The following ZSWIM4 variants were observed in gnomAD, a reference collection of about 807,000 sequenced individuals.
ZSWIM4 encodes zinc finger SWIM-type containing 4.
In ZSWIM4, 62 loss-of-function variants were observed where a neutral mutation model predicts 102.5. That is an observed-to-expected ratio of 0.60 (90% CI 0.49 to 0.75). ZSWIM4 has a LOEUF of 0.75. Among genes scored for constraint, ZSWIM4 ranks in the 30% least tolerant of loss-of-function variants. The pLI is 0.00. For synonymous variants in ZSWIM4, 652 were observed against 674.5 expected (o/e 0.97, Z 0.52); for missense variants, 1,280 against 1,529.6 (o/e 0.84, Z 2.72).
Position 13,813,145 on chromosome 19 carries a change from C to T in ZSWIM4, c.1161C>T (p.Pro387=), listed in dbSNP as rs746146208. The T allele has an allele frequency of 8.7e-6, 14 of 1,612,868 alleles. No homozygotes were observed. In the East Asian group the frequency reaches 2.7e-4, roughly 31 times the overall value. ...CCTTCGACGGCCCCAGCCTGCAGCC[C>T]ACCATGGCCCCCGCCCCAGGTAGGA... ...NYSFDGPSLQ[P]TMAPAPGSEE... The change falls in exon 6 of 14, where the codon CCC becomes CCT. Residue 387 remains proline, a synonymous_variant. Transcript: ENST00000590508.
Position 13,826,248 on chromosome 19 carries a change from C to T in ZSWIM4, c.2379+535C>T, listed in dbSNP as rs547694932. ...TGCAAGCCAGCAGATGGATCGCAAG[C>T]GGAGCCTGGGGGTGGGGCCTGGGAG... On this transcript the variant is annotated intron_variant, in intron 12 of 13. Coordinates refer to ENST00000590508, the MANE Select transcript of ZSWIM4 (RefSeq NM_001367834.3). Among the ~76,000 whole-genome samples the T allele has an allele frequency of 5.3e-5, 8 of 151,880 alleles. No homozygotes were observed. The East Asian group carries it at 1.6e-3, about 30-fold the overall frequency.
intron 10 of ZSWIM4, 95 bp downstream of exon 10, chr19:13,819,587 C>A: frequency 6.9e-7 from 1 of 1,440,630 alleles, no homozygotes; most frequent in Admixed American, 2.3e-5. Flanking sequence ...CCAGCCTGAA[C>A]TCACAGCCTA....
In ZSWIM4 at chr19:13,823,346, G is replaced by A. The variant is rs1975517748; in HGVS notation, c.2061G>A (p.Arg687=). 3.7e-6 allele frequency: 6 copies of A among 1,612,952 alleles called. No individual in the cohort carries two copies. Among genetic ancestry groups the A allele is most frequent in the African/African-American group, 1.3e-5 (1 of 74,876 alleles). The part of the protein sequence containing the change: ...LAYRLALRAM[R]LPILETAFPA... ...ATGGCTCACTTCTCCCCTTACCCAG[G>A]CTGCCCATACTGGAGACAGCATTTC... The change falls in exon 11 of 14, where the codon AGG becomes AGA. Residue 687 remains arginine, a splice_region_variant and synonymous_variant. Transcript: ENST00000590508.
chr19:13,809,152 G>C lies in ZSWIM4; in HGVS notation c.944G>C (p.Arg315Pro). Residue 315 changes from arginine (R) to proline (P), a missense_variant, in exon 5 of 14, where the codon CGC becomes CCC. Arg to Pro is a moderately radical substitution (Grantham distance 103, BLOSUM62 -2). Coordinates refer to ENST00000590508, the MANE Select transcript of ZSWIM4 (RefSeq NM_001367834.3). This position sits in a 1 kb window ranked among gnomAD's most constrained non-coding sequence, Gnocchi z 4.2. ...ACCGAGCAGTTCCTGCAGGACACGC[G>C]CCTGGCCCTGTGGCGGCAGCAGGGC... ...LMTEQFLQDT[R>P]LALWRQQGAG... 1 of 1,613,594 alleles carries C rather than the reference G, an allele frequency of 6.2e-7. No individual in the cohort carries two copies. The highest frequency in any genetic ancestry group is 8.5e-7 in the Non-Finnish European group (1 of 1,179,726).
intron 7 of ZSWIM4, among the ~76,000 whole-genome samples, chr19:13,815,842 G>T (rs1464647187): frequency 1.3e-5 from 2 of 151,674 alleles, no homozygotes; most frequent in African/African-American, 4.8e-5. Flanking sequence ...GGGAGGCTGC[G>T]GCATGAGAAT....
intron 7 of ZSWIM4, chr19:13,815,462 T>G (rs1487571952): frequency 2.6e-5 from 3 of 116,854 alleles, no homozygotes; most frequent in African/African-American, 1.0e-4. Context: ...GGAAATTTTT[T>G]TTTTTTTTTT....
Position 13,830,645 on chromosome 19 carries a change from C to T in ZSWIM4, c.2916C>T (p.His972=), listed in dbSNP as rs1975737609. 1 of 1,601,574 alleles carries T rather than the reference C, an allele frequency of 6.2e-7. No homozygotes were observed. Among genetic ancestry groups the T allele is most frequent in the East Asian group, 2.2e-5 (1 of 44,870 alleles). The change falls in exon 14 of 14, where the codon CAC becomes CAT. Residue 972 remains histidine, a synonymous_variant. Coordinates refer to ENST00000590508, the MANE Select transcript of ZSWIM4 (RefSeq NM_001367834.3). The part of the protein sequence containing the change: ...NDVLWACSLS[H]SLGRHELSAI... ...TGCTTTGGGCCTGCTCTCTCAGCCA[C>T]TCCCTGGGCCGGCACGAGCTCTCTG...
At chr19:13,797,780 G>C (rs761501601) in intron 1 of ZSWIM4, among the ~76,000 whole-genome samples, 8 of 152,052 alleles carry the variant, frequency 5.3e-5, no homozygotes, top group Non-Finnish European at 8.8e-5. Context: ...AGCCTCCTGA[G>C]TAGCTGGGAC....
chr19:13,824,732 C>G (rs867379553), intron 11 of ZSWIM4, among the ~76,000 whole-genome samples: 9 of 128,820 alleles, frequency 7.0e-5, no homozygotes, highest in African/African-American at 2.9e-4. Context: ...AACTCCATCT[C>G]AAAATAATAA....
chr19:13,805,413 G>A (rs1275538559), intron 3 of ZSWIM4, among the ~76,000 whole-genome samples: 2 of 151,736 alleles, frequency 1.3e-5, no homozygotes, highest in Admixed American at 6.6e-5. Context: ...TAGAGGGCAA[G>A]TGGGAGGTCT....
chr19:13,802,193 G>C (rs1277846937), intron 2 of ZSWIM4, among the ~76,000 whole-genome samples: 2 of 150,126 alleles, frequency 1.3e-5, no homozygotes, highest in East Asian at 4.0e-4. Context: ...AGCCAGGATA[G>C]TCTCGATCTC....
intron 12 of ZSWIM4, among the ~76,000 whole-genome samples, chr19:13,828,387 G>C (rs985779997): frequency 2.6e-5 from 4 of 151,710 alleles, no homozygotes; most frequent in African/African-American, 9.7e-5. Context: ...CATTCTGGGT[G>C]ACAGAGCAAG....
At chr19:13,796,937 A>G (rs1974628152) in intron 1 of ZSWIM4, 1 of 152,206 alleles carries the variant, frequency 6.6e-6, no homozygotes. Flanking sequence ...TGATTCATGG[A>G]CTGGAAAATC....
chr19:13,828,572 C>A, intron 12 of ZSWIM4, 73 bp from the exon 13 acceptor site: 1 of 1,373,338 alleles, frequency 7.3e-7, no homozygotes, highest in Non-Finnish European at 1.0e-6. Flanking sequence ...TGGGGTCCTC[C>A]ATCTCCCAAC....
chr19:13,815,099 C>T (rs1975233576), intron 7 of ZSWIM4: 1 of 191,980 alleles, frequency 5.2e-6, no homozygotes, highest in South Asian at 7.8e-5. Flanking sequence ...GAGTTCAAGG[C>T]TGCAGTGAGC....
intron 10 of ZSWIM4, among the ~76,000 whole-genome samples, chr19:13,822,485 T>G (rs1322784618): frequency 1.3e-5 from 2 of 152,242 alleles, no homozygotes; most frequent in African/African-American, 4.8e-5. Flanking sequence ...CACAGCCATG[T>G]CCATTCATCT....
intron 9 of ZSWIM4, 149 bp downstream of exon 9, chr19:13,818,125 G>C: frequency 7.5e-7 from 1 of 1,335,960 alleles, no homozygotes; most frequent in Non-Finnish European, 9.7e-7. Flanking sequence ...TCATACCTTG[G>C]CAGTTTCTAA....
At chr19:13,807,033 TGATAACTAATAGTTATCACCTA>T (rs1270106725) in intron 3 of ZSWIM4, among the ~76,000 whole-genome samples, 3 of 151,908 alleles carry the variant, frequency 2.0e-5, no homozygotes, top group East Asian at 3.9e-4. Context: ...AGTTATTGGG[TGATAACTAATAGTTATCACCTA>T]GATAACTAGG....
chr19:13,810,827 G>A (rs1975062032), intron 5 of ZSWIM4, among the ~76,000 whole-genome samples: 1 of 148,278 alleles, frequency 6.7e-6, no homozygotes, highest in Non-Finnish European at 1.5e-5. Flanking sequence ...AACCAGGATG[G>A]TCTCGATCCC....
Sources: gnomAD v4.1 joint callset for allele counts (sites outside exome capture counted in the v4.1 genomes callset) on GRCh38, gnomAD v4.1.1 for gene constraint, Gnocchi (gnomAD v3.1) non-coding constraint, MANE v1.5 for transcripts, NCBI Gene and HGNC (gene_info 2026-07-23, HGNC 2026-07-21) for gene names.